Variants in CLIP1 observed in about 807,000 individuals in gnomAD.
The protein encoded by CLIP1 is CAP-Gly domain containing linker protein 1, also known as CAP-Gly domain-containing linker protein 1.
A neutral mutation model predicts 161.6 loss-of-function variants in CLIP1; 66 were observed. The ratio of observed to expected loss-of-function variants is 0.41; its 90% confidence interval spans 0.33 to 0.50. The LOEUF (loss-of-function observed/expected upper bound fraction) is 0.50. Among genes scored for constraint, CLIP1 ranks in the 20% least tolerant of loss-of-function variants. CLIP1 has a pLI of 0.27. For missense variants in CLIP1, 1,376 were observed against 1,702.0 expected (o/e 0.81, Z 3.37); for synonymous variants, 598 against 626.2 (o/e 0.96, Z 0.67).
intron 1 of CLIP1, among the ~76,000 whole-genome samples, chr12:122,382,361 C>CAA (rs751549443): frequency 1.5e-5 from 2 of 136,106 alleles, no homozygotes; most frequent in African/African-American, 2.7e-5. Context: ...AACTCCGTCT[C>CAA]AAAAAAAAAA....
intron 24 of CLIP1, 75 bp from the exon 25 acceptor site, chr12:122,274,237 T>C (rs1279481249): frequency 7.4e-7 from 1 of 1,345,880 alleles, no homozygotes; most frequent in Non-Finnish European, 1.0e-6. Flanking sequence ...TCATGAAGTT[T>C]ATACCTTTAA....
intron 1 of CLIP1, among the ~76,000 whole-genome samples, chr12:122,405,603 A>C (rs1956301959): frequency 6.6e-6 from 1 of 152,038 alleles, no homozygotes; most frequent in Non-Finnish European, 1.5e-5. Flanking sequence ...AGCCTGGCCA[A>C]CATGGCAAAA....
rs955805710 is a variant in CLIP1 at position 122,380,250 on chromosome 12, A to T, written c.85+118T>A. On this transcript the variant is annotated intron_variant, in intron 2 of 25. Transcript: ENST00000620786. ...AGAGTTAGATTCCATCTCAAAAAAAAAAAAAAATCTTTCAAATATTTTCAA... is the reference window on the plus strand; with the variant it reads ...AGAGTTAGATTCCATCTCAAAAAAATAAAAAAATCTTTCAAATATTTTCAA... The T allele has an allele frequency of 4.3e-6, 3 of 696,858 alleles. No homozygotes were observed. In the African/African-American group the frequency reaches 5.6e-5, roughly 13 times the overall value. The allele number at this position is 696,858 out of a possible 1,614,324, so 43.2% of individuals were successfully genotyped here. A position where few individuals can be genotyped will look rare whatever the true frequency, so the allele number is the denominator to read the frequency against.
intron 1 of CLIP1, among the ~76,000 whole-genome samples, chr12:122,401,121 G>A (rs1440595549): frequency 1.3e-5 from 2 of 152,118 alleles, no homozygotes; most frequent in Admixed American, 6.5e-5. Context: ...ATGTTGGTCA[G>A]GCTGGTCTCG....
intron 3 of CLIP1, among the ~76,000 whole-genome samples, chr12:122,374,944 G>A (rs1954646300): frequency 6.6e-6 from 1 of 152,130 alleles, no homozygotes; most frequent in Non-Finnish European, 1.5e-5. Flanking sequence ...GCAGTCCAAG[G>A]CATGGAGACA....
intron 2 of CLIP1, among the ~76,000 whole-genome samples, chr12:122,379,307 C>CA (rs61498384): frequency 0.12 from 14,533 of 116,672 alleles, 1,106 homozygotes; most frequent in East Asian, 0.46. Flanking sequence ...TACAGCATCT[C>CA]AAAAAAAAAA....
At chr12:122,310,239 C>A (rs1051258071) in intron 19 of CLIP1, among the ~76,000 whole-genome samples, 3 of 151,984 alleles carry the variant, frequency 2.0e-5, no homozygotes, top group Admixed American at 6.6e-5. Flanking sequence ...GATGATTTTA[C>A]TAAAACCCAC....
At chr12:122,288,433 C>G in intron 21 of CLIP1, 56 bp downstream of exon 21, 1 of 1,447,806 alleles carries the variant, frequency 6.9e-7, no homozygotes, top group South Asian at 1.2e-5. Flanking sequence ...CCACACATAT[C>G]ATGTTCTGAC....
At chr12:122,386,901 G>C (rs74445077) in intron 1 of CLIP1, among the ~76,000 whole-genome samples, 14,931 of 151,602 alleles carry the variant, frequency 0.098, 1,237 homozygotes, top group East Asian at 0.45. Flanking sequence ...TCGTGACTTG[G>C]TTTTTTTAAG....
At chr12:122,401,097 G>A (rs1388685270) in intron 1 of CLIP1, among the ~76,000 whole-genome samples, 1 of 152,082 alleles carries the variant, frequency 6.6e-6, no homozygotes, top group Non-Finnish European at 1.5e-5. Flanking sequence ...TTTTAGTAGA[G>A]ACAAGGTTTT....
chr12:122,388,370 C>A (rs915145750), intron 1 of CLIP1, among the ~76,000 whole-genome samples: 2 of 152,166 alleles, frequency 1.3e-5, no homozygotes, highest in Admixed American at 1.3e-4. Flanking sequence ...CAGGCACCTG[C>A]AACCACGCCC....
chr12:122,296,922 A>G (rs1950494962), intron 20 of CLIP1, among the ~76,000 whole-genome samples: 2 of 151,914 alleles, frequency 1.3e-5, no homozygotes, highest in Admixed American at 1.3e-4. Flanking sequence ...GAATGGGAGT[A>G]CAGCGTAGAC....
intron 20 of CLIP1, among the ~76,000 whole-genome samples, chr12:122,298,614 A>AG (rs993546147): frequency 6.7e-6 from 1 of 149,978 alleles, no homozygotes; most frequent in African/African-American, 2.5e-5. Context: ...AAAAAAAAAA[A>AG]GAATATTTAC....
intron 18 of CLIP1, 32 bp downstream of exon 18, chr12:122,319,200 C>A (rs1212299342): frequency 2.1e-6 from 3 of 1,417,428 alleles, no homozygotes; most frequent in African/African-American, 1.4e-5. Flanking sequence ...GTAAGCTGTT[C>A]TTTGTATAAA....
chr12:122,277,912 C>T, intron 24 of CLIP1: 1 of 467,408 alleles, frequency 2.1e-6, no homozygotes, highest in East Asian at 3.5e-5. Context: ...AAAGGAAAGA[C>T]ACAAATAACA....
intron 24 of CLIP1, 112 bp from the exon 25 acceptor site, chr12:122,274,274 G>C (rs1955301318): frequency 2.6e-6 from 2 of 783,846 alleles, no homozygotes; most frequent in South Asian, 3.2e-5. Flanking sequence ...GTGCAGAAGG[G>C]GCCAACAGCG....
In CLIP1 at chr12:122,279,279, G is replaced by A; in HGVS notation, c.3648-134C>T. ...ATATAACAGGGAAGTTTTATAGGGA[G>A]TTAAGGCCATTATGCTCACAAAATT... On this transcript the variant is annotated intron_variant, in intron 21 of 25. Coordinates refer to ENST00000620786, the MANE Select transcript of CLIP1 (RefSeq NM_001247997.2). The surrounding 1 kb of genome is among the most constrained non-coding windows in gnomAD (Gnocchi z 4.5). 1.8e-6 allele frequency: 1 copy of A among 569,960 alleles called. No individual in the cohort carries two copies. The highest frequency in any genetic ancestry group is 3.0e-5 in the South Asian group (1 of 33,318). The allele number at this position is 569,960 out of a possible 1,614,324, so 35.3% of individuals were successfully genotyped here. A position where few individuals can be genotyped will look rare whatever the true frequency, so the allele number is the denominator to read the frequency against.
chr12:122,354,400 C>G lies in CLIP1; in HGVS notation c.1307+53G>C, dbSNP rs1337528896. The G allele has an allele frequency of 1.1e-5, 15 of 1,415,028 alleles. No individual in the cohort carries two copies. The East Asian group carries it at 3.3e-4, about 31-fold the overall frequency. The allele number at this position is 1,415,028 out of a possible 1,614,324, so 87.7% of individuals were successfully genotyped here. ...ACAGAGCTAGACTCTGTCTCAAAAA[C>G]AAAAAAAAAGGGGGAAAGGCCACAC... On this transcript the variant is annotated intron_variant, in intron 7 of 25. Coordinates refer to ENST00000620786, the MANE Select transcript of CLIP1 (RefSeq NM_001247997.2).
At chr12:122,280,726 T>A (rs1955613244) in intron 21 of CLIP1, 1 of 152,154 alleles carries the variant, frequency 6.6e-6, no homozygotes, top group African/African-American at 2.4e-5. Context: ...TATTTTAAAA[T>A]AAAAAGTTTT....
Sources: gnomAD v4.1 joint callset for allele counts (sites outside exome capture counted in the v4.1 genomes callset) on GRCh38, gnomAD v4.1.1 for gene constraint, Gnocchi (gnomAD v3.1) non-coding constraint, MANE v1.5 for transcripts, NCBI Gene and HGNC (gene_info 2026-07-23, HGNC 2026-07-21) for gene names.